ELMO1: variants seen among roughly 807,000 people sequenced by gnomAD.
ELMO1 encodes the protein engulfment and cell motility 1, also known as engulfment and cell motility protein 1.
In ELMO1, 26 loss-of-function variants were observed where a neutral mutation model predicts 98.9. The ratio of observed to expected loss-of-function variants is 0.26; its 90% CI spans 0.19 to 0.36. The LOEUF (loss-of-function observed/expected upper bound fraction) is 0.36. Among genes scored for constraint, ELMO1 ranks in the 10% least tolerant of loss-of-function variants. The probability of loss-of-function intolerance (pLI) is 1.00; values close to 1 mark genes in which losing one functional copy is unlikely to be tolerated. For missense variants in ELMO1, 627 were observed against 935.2 expected (o/e 0.67, Z 4.30); for synonymous variants, 346 against 346.0 (o/e 1.00, Z 0.00).
At chr7:37,389,068 C>A (rs1366706874) in intron 1 of ELMO1, among the ~76,000 whole-genome samples, 1 of 152,192 alleles carries the variant, frequency 6.6e-6, no homozygotes, top group East Asian at 1.9e-4. Context: ...CTCCTTTGAG[C>A]AAACTAGGCT....
intron 15 of ELMO1, among the ~76,000 whole-genome samples, chr7:37,043,310 C>T (rs181083655): frequency 2.4e-3 from 370 of 152,322 alleles, no homozygotes; most frequent in Non-Finnish European, 4.3e-3. Context: ...CAGCAGTTCT[C>T]GTCCCTGTGC....
At chr7:37,322,578 G>A (rs144900585) in intron 2 of ELMO1, among the ~76,000 whole-genome samples, 80 of 150,812 alleles carry the variant, frequency 5.3e-4, no homozygotes, top group African/African-American at 1.8e-3. Flanking sequence ...CTGAGACCGC[G>A]CTACTGCACT....
At chr7:36,867,351 T>C (rs766143656) in intron 20 of ELMO1, among the ~76,000 whole-genome samples, 4 of 152,220 alleles carry the variant, frequency 2.6e-5, no homozygotes, top group Non-Finnish European at 5.9e-5. Flanking sequence ...CCAAATATAC[T>C]ACCTCACATG....
At chr7:37,124,350 T>C (rs1447565481) in intron 14 of ELMO1, among the ~76,000 whole-genome samples, 1 of 152,216 alleles carries the variant, frequency 6.6e-6, no homozygotes, top group Non-Finnish European at 1.5e-5. Flanking sequence ...CAATTGTCCC[T>C]GTTTGCAGAT....
At chr7:36,932,117 T>C (rs1786100582) in intron 16 of ELMO1, among the ~76,000 whole-genome samples, 1 of 152,146 alleles carries the variant, frequency 6.6e-6, no homozygotes, top group Non-Finnish European at 1.5e-5. Context: ...ACACTTAGTA[T>C]AGCTGTGGAA....
rs557520535 is a variant in ELMO1 at position 37,085,978 on chromosome 7, A to G, written c.1300+10641T>C. ...AAAGACCAGAAGGGAAGGTGGATGT[A>G]AGTTTCATCCAAGGAAGGTCCCTGA... On this transcript the variant is annotated intron_variant, in intron 15 of 21. Transcript: ENST00000310758. 3.3e-5 allele frequency among the ~76,000 whole-genome samples: 5 copies of G among 152,346 alleles called. No homozygotes were observed. The South Asian group carries it at 1.0e-3, about 32-fold the overall frequency.
chr7:36,880,023 T>C (rs1407362774), intron 18 of ELMO1, among the ~76,000 whole-genome samples: 3 of 152,240 alleles, frequency 2.0e-5, no homozygotes, highest in Admixed American at 6.5e-5. Flanking sequence ...AACAGTGCTC[T>C]TGGGGGCCTG....
chr7:37,143,191 T>A (rs533448604), intron 13 of ELMO1, among the ~76,000 whole-genome samples: 4 of 152,250 alleles, frequency 2.6e-5, no homozygotes, highest in Admixed American at 2.6e-4. Flanking sequence ...GCTGTCATTA[T>A]CCCCCAAAGG....
At chr7:37,272,670 C>A (rs1429897873) in intron 4 of ELMO1, among the ~76,000 whole-genome samples, 2 of 149,318 alleles carry the variant, frequency 1.3e-5, no homozygotes, top group Middle Eastern at 3.4e-3. Context: ...AGTGAAACTC[C>A]GTCTTAAAGG....
At chr7:37,012,832 G>A (rs1562896062) in intron 16 of ELMO1, among the ~76,000 whole-genome samples, 1 of 152,128 alleles carries the variant, frequency 6.6e-6, no homozygotes, top group African/African-American at 2.4e-5. Flanking sequence ...GACGTAGCTC[G>A]GGGCAGATGA....
intron 16 of ELMO1, among the ~76,000 whole-genome samples, chr7:37,006,932 C>T (rs562315622): frequency 3.9e-5 from 6 of 152,260 alleles, no homozygotes; most frequent in Admixed American, 6.5e-5. Flanking sequence ...ATAATTGACA[C>T]TGGTAAGGAT....
chr7:37,031,894 G>A (rs1028055265), intron 15 of ELMO1, among the ~76,000 whole-genome samples: 12 of 152,080 alleles, frequency 7.9e-5, no homozygotes, highest in African/African-American at 2.9e-4. Context: ...CTTCCCCACT[G>A]GCAAAACAAA....
At chr7:37,343,005 G>A (rs1379838253) in intron 1 of ELMO1, 4 of 310,820 alleles carry the variant, frequency 1.3e-5, no homozygotes. Flanking sequence ...CTGCCCTGTG[G>A]GGCACGGCTT....
intron 16 of ELMO1, among the ~76,000 whole-genome samples, chr7:36,923,076 G>T (rs919694248): frequency 6.6e-6 from 1 of 152,148 alleles, no homozygotes; most frequent in Non-Finnish European, 1.5e-5. Context: ...TCAAGTTCCA[G>T]TACCTGTCTC....
At chr7:37,391,764 C>T (rs1803088363) in intron 1 of ELMO1, among the ~76,000 whole-genome samples, 1 of 152,148 alleles carries the variant, frequency 6.6e-6, no homozygotes, top group Non-Finnish European at 1.5e-5. Flanking sequence ...TTGGGCAAGC[C>T]CCCATGTAAC....
intron 1 of ELMO1, among the ~76,000 whole-genome samples, chr7:37,395,535 G>A (rs1352267354): frequency 1.3e-5 from 2 of 152,110 alleles, no homozygotes; most frequent in East Asian, 1.9e-4. Context: ...AGGAAAGTAA[G>A]TTATAACCAA....
chr7:37,159,785 G>A (rs754756767), intron 13 of ELMO1, among the ~76,000 whole-genome samples: 5 of 152,118 alleles, frequency 3.3e-5, no homozygotes, highest in Non-Finnish European at 7.4e-5. Context: ...GGACGTGAAC[G>A]GGGCTGTACA....
chr7:37,421,049 C>A (rs1052978343), intron 1 of ELMO1, among the ~76,000 whole-genome samples: 1 of 152,244 alleles, frequency 6.6e-6, no homozygotes, highest in Non-Finnish European at 1.5e-5. Flanking sequence ...TAAGCCACAT[C>A]TTCCTCTTAA....
At position 36,931,823 on chromosome 7, in the gene ELMO1, G is replaced by A. The variant is rs543314023; in HGVS notation, c.1438-36806C>T. Among the ~76,000 whole-genome samples, 7 of 152,302 alleles carry A rather than the reference G, an allele frequency of 4.6e-5. No individual in the cohort carries two copies. In the South Asian group the frequency reaches 1.2e-3, roughly 27 times the overall value. Reference sequence around the variant, plus strand: ...AGGGAGATACATCCTCCACGAAAGGGAGAATGGTATTCCCTAGCTACAGAC... The same window carrying A: ...AGGGAGATACATCCTCCACGAAAGGAAGAATGGTATTCCCTAGCTACAGAC... On this transcript the variant is annotated intron_variant, in intron 16 of 21. Transcript: ENST00000310758.
Sources: allele counts gnomAD v4.1 joint callset (sites outside exome capture counted in the v4.1 genomes callset), GRCh38; gene constraint gnomAD v4.1.1; transcripts MANE v1.5; gene names NCBI Gene and HGNC (gene_info 2026-07-23, HGNC 2026-07-21).